Variants in CDYL2 observed in about 807,000 individuals in gnomAD.
The protein encoded by CDYL2 is chromodomain Y-like protein 2.
CDYL2 carries 23 observed loss-of-function variants against 49.4 expected under a neutral mutation model. The ratio of observed to expected loss-of-function variants is 0.47; its 90% CI spans 0.34 to 0.66. The LOEUF is 0.66. CDYL2 is among the 30% of genes least tolerant of loss of function. CDYL2 has a pLI of 0.01. For missense variants in CDYL2, 678 were observed against 656.4 expected (o/e 1.03, Z -0.36); for synonymous variants, 360 against 268.8 (o/e 1.34, Z -3.32).
chr16:80,662,770 T>C (rs780028462), intron 2 of CDYL2: 96 of 455,902 alleles, frequency 2.1e-4, no homozygotes, highest in South Asian at 1.2e-3. Flanking sequence ...GCTACCGTAC[T>C]GGACAGTGAA....
At chr16:80,617,197 T>A (rs750322187) in intron 4 of CDYL2, among the ~76,000 whole-genome samples, 21 of 152,196 alleles carry the variant, frequency 1.4e-4, no homozygotes, top group Non-Finnish European at 2.1e-4. Flanking sequence ...CAGTCACCAG[T>A]CCCAGTCACG....
In CDYL2 at chr16:80,663,923, A is replaced by G. The variant is rs1261850022; in HGVS notation, c.616+20615T>C. 2.0e-5 allele frequency among the ~76,000 whole-genome samples: 3 copies of G among 152,226 alleles called. 1 individual carries two copies. Among genetic ancestry groups the G allele is most frequent in the Non-Finnish European group, 4.4e-5 (3 of 68,038 alleles). ...TTTAAAGCATTCAGCAGTGTAAAGC[A>G]TGAATTCAAAATACAAAACTAACCT... On this transcript the variant is annotated intron_variant, in intron 2 of 6. Transcript: ENST00000570137.
intron 1 of CDYL2, among the ~76,000 whole-genome samples, chr16:80,726,544 G>C (rs909920023): frequency 6.6e-6 from 1 of 152,156 alleles, no homozygotes; most frequent in African/African-American, 2.4e-5. Flanking sequence ...CTGAATGAAA[G>C]ATCAGCCAAG....
At chr16:80,610,537 G>T (rs1379132921) in intron 5 of CDYL2, among the ~76,000 whole-genome samples, 1 of 152,152 alleles carries the variant, frequency 6.6e-6, no homozygotes, top group African/African-American at 2.4e-5. Flanking sequence ...AGAGAGAAAG[G>T]AGATTCTTGG....
At chr16:80,767,479 C>T (rs1906765139) in intron 1 of CDYL2, among the ~76,000 whole-genome samples, 1 of 152,130 alleles carries the variant, frequency 6.6e-6, no homozygotes, top group Non-Finnish European at 1.5e-5. Flanking sequence ...GCACACAGAT[C>T]CCCCCACTAA....
chr16:80,797,268 A>G (rs573254825), intron 1 of CDYL2, among the ~76,000 whole-genome samples: 4 of 151,368 alleles, frequency 2.6e-5, no homozygotes, highest in Non-Finnish European at 4.4e-5. Context: ...TGTCCTTTCC[A>G]CTCCCTCCAC....
chr16:80,692,171 C>G (rs996135651), intron 1 of CDYL2, among the ~76,000 whole-genome samples: 1 of 152,122 alleles, frequency 6.6e-6, no homozygotes, highest in East Asian at 1.9e-4. Context: ...TAAGTCTGCA[C>G]GTCAAAAGAA....
intron 1 of CDYL2, among the ~76,000 whole-genome samples, chr16:80,742,740 G>A (rs1226396240): frequency 6.6e-6 from 1 of 151,868 alleles, no homozygotes; most frequent in Admixed American, 6.6e-5. Context: ...GTAGGTGGGT[G>A]AGTGAGTGGG....
chr16:80,709,314 G>C (rs1203540857), intron 1 of CDYL2, among the ~76,000 whole-genome samples: 2 of 151,738 alleles, frequency 1.3e-5, no homozygotes, highest in Non-Finnish European at 2.9e-5. Flanking sequence ...CCCGGGGAGT[G>C]GAGGTTGCAG....
intron 1 of CDYL2, among the ~76,000 whole-genome samples, chr16:80,784,598 G>T (rs1454021746): frequency 2.6e-5 from 4 of 152,166 alleles, no homozygotes; most frequent in Non-Finnish European, 5.9e-5. Context: ...AAAAGATAGT[G>T]ATGTTTAACC....
chr16:80,787,227 G>C (rs1907466740), intron 1 of CDYL2, among the ~76,000 whole-genome samples: 1 of 152,188 alleles, frequency 6.6e-6, no homozygotes, highest in African/African-American at 2.4e-5. Context: ...TGAGTGCCTT[G>C]AATGGCAGCA....
intron 1 of CDYL2, among the ~76,000 whole-genome samples, chr16:80,799,496 T>C (rs1907863147): frequency 6.6e-6 from 1 of 152,226 alleles, no homozygotes; most frequent in Non-Finnish European, 1.5e-5. Flanking sequence ...ATGATGGTGC[T>C]ATGAATTCAA....
intron 1 of CDYL2, among the ~76,000 whole-genome samples, chr16:80,732,430 C>T (rs991022611): frequency 2.0e-5 from 3 of 151,410 alleles, no homozygotes; most frequent in Non-Finnish European, 2.9e-5. Flanking sequence ...GGTTGCAATA[C>T]GGAAAAAAAC....
chr16:80,668,937 A>T (rs1909384356), intron 2 of CDYL2, among the ~76,000 whole-genome samples: 1 of 152,034 alleles, frequency 6.6e-6, no homozygotes, highest in Admixed American at 6.5e-5. Flanking sequence ...TTAAAATTAA[A>T]TGCTTATATT....
intron 1 of CDYL2, among the ~76,000 whole-genome samples, chr16:80,786,930 G>A (rs150027244): frequency 0.1 from 15,894 of 151,896 alleles, 1,010 homozygotes; most frequent in South Asian, 0.23. Flanking sequence ...GGGGTGGGGG[G>A]CTAGGGGAGG....
chr16:80,682,481 T>C (rs1567569128), intron 2 of CDYL2, among the ~76,000 whole-genome samples: 1 of 152,126 alleles, frequency 6.6e-6, no homozygotes, highest in East Asian at 1.9e-4. Flanking sequence ...AGCTCGCAGC[T>C]CTGCCTCACC....
At chr16:80,772,492 G>C (rs1166313740) in intron 1 of CDYL2, among the ~76,000 whole-genome samples, 2 of 152,184 alleles carry the variant, frequency 1.3e-5, no homozygotes, top group East Asian at 1.9e-4. Flanking sequence ...TCCCTCTGTA[G>C]ACCACGCTGG....
rs1318270105 is a variant in CDYL2 at position 80,667,102 on chromosome 16, A to G, written c.616+17436T>C. Among the ~76,000 whole-genome samples the G allele has an allele frequency of 2.0e-5, 3 of 152,192 alleles. No homozygotes were observed. The East Asian group carries it at 5.8e-4, about 29-fold the overall frequency. On this transcript the variant is annotated intron_variant, in intron 2 of 6. Transcript: ENST00000570137. ...ATGCTGGCAGTCAGCAAAGGTTTCC[A>G]TGGGGGAATTGCTGCTTGAGCCAGA...
intron 1 of CDYL2, among the ~76,000 whole-genome samples, chr16:80,764,005 T>G (rs780141536): frequency 4.6e-5 from 7 of 151,700 alleles, no homozygotes; most frequent in African/African-American, 7.3e-5. Context: ...GGAAAAGCAC[T>G]GGAGAAATTA....
Sources: allele counts gnomAD v4.1 joint callset (sites outside exome capture counted in the v4.1 genomes callset), GRCh38; gene constraint gnomAD v4.1.1; transcripts MANE v1.5; gene names NCBI Gene and HGNC (gene_info 2026-07-23, HGNC 2026-07-21).